Variants in SREK1IP1 observed in about 807,000 individuals in gnomAD.
SREK1IP1 encodes the protein protein SREK1IP1.
SREK1IP1 carries 12 observed loss-of-function variants against 22.8 expected under a neutral mutation model. That is an observed-to-expected ratio of 0.53 (90% CI 0.34 to 0.85). The LOEUF is 0.85. Ranked by LOEUF, SREK1IP1 falls within the 40% of genes least tolerant of loss-of-function variation. The pLI, the probability that SREK1IP1 is intolerant of heterozygous loss-of-function variation, is 0.02. For missense variants in SREK1IP1, 147 were observed against 171.8 expected (o/e 0.86, Z 0.81); for synonymous variants, 53 against 52.7 (o/e 1.01, Z -0.02).
intron 2 of SREK1IP1, among the ~76,000 whole-genome samples, chr5:64,749,672 C>T (rs940218491): frequency 6.6e-6 from 1 of 152,124 alleles, no homozygotes. Flanking sequence ...AATTCCTGGG[C>T]TCAAGCAATC....
chr5:64,754,577 C>G (rs1742805159), intron 1 of SREK1IP1: 1 of 463,804 alleles, frequency 2.2e-6, no homozygotes, highest in South Asian at 2.8e-5. Context: ...GATCCTCCTA[C>G]CTTAGCCTCC....
At chr5:64,730,144 GC>G (rs1742351185) in intron 3 of SREK1IP1, among the ~76,000 whole-genome samples, 3 of 152,138 alleles carry the variant, frequency 2.0e-5, no homozygotes, top group Non-Finnish European at 4.4e-5. Flanking sequence ...ACAAAGAAGG[GC>G]CACGGGGTTG....
intron 3 of SREK1IP1, among the ~76,000 whole-genome samples, chr5:64,730,291 T>C (rs73097633): frequency 0.011 from 1,741 of 152,046 alleles, 32 homozygotes; most frequent in African/African-American, 0.04. Flanking sequence ...CCTTGACAAG[T>C]GGACTGAAAA....
chr5:64,728,286 T>C, intron 3 of SREK1IP1, 107 bp from the exon 4 acceptor site: 1 of 1,034,670 alleles, frequency 9.7e-7, no homozygotes, highest in African/African-American at 1.7e-5. Flanking sequence ...ATTTCACTGG[T>C]TAGGATAATT....
rs1580531042 is a variant in SREK1IP1 at position 64,718,311 on chromosome 5, C to T, written c.*6073G>A. On this transcript the variant is annotated 3_prime_UTR_variant, in exon 5 of 5. Transcript: ENST00000513458. Reference sequence around the variant, plus strand: ...TCAATAACAAGATAAGCAGTCCTATCTCAGTGAAGAACAGTGAGAAGTTTA... The same window carrying T: ...TCAATAACAAGATAAGCAGTCCTATTTCAGTGAAGAACAGTGAGAAGTTTA... 4 of 241,826 alleles carry T rather than the reference C, an allele frequency of 1.7e-5. 1 individual carries two copies. The East Asian group carries it at 4.2e-4, about 25-fold the overall frequency. 15.0% of individuals were successfully genotyped at this position (241,826 alleles called of 1,614,324 possible).
At position 64,719,882 on chromosome 5, in the gene SREK1IP1, CCTA is replaced by C. The variant is rs1455956502; in HGVS notation, c.*4499_*4501del. On this transcript the variant is annotated 3_prime_UTR_variant, in exon 5 of 5. Coordinates refer to ENST00000513458, the MANE Select transcript of SREK1IP1 (RefSeq NM_173829.4). ...ATTATTGTCACACTGGTATAAGAAA[CCTA>C]CTGTTCTTGGGCACCCAATGTCCAG... 1 of 152,206 alleles carries C rather than the reference CCTA, an allele frequency of 6.6e-6. No homozygotes were observed. Among genetic ancestry groups the C allele is most frequent in the African/African-American group, 2.4e-5 (1 of 41,444 alleles). The allele number at this position is 152,206 out of a possible 1,614,324, so 9.4% of individuals were successfully genotyped here. A position where few individuals can be genotyped will look rare whatever the true frequency, so the allele number is the denominator to read the frequency against.
At chr5:64,732,919 GAAAA>G (rs747301015) in intron 3 of SREK1IP1, among the ~76,000 whole-genome samples, 1 of 128,032 alleles carries the variant, frequency 7.8e-6, no homozygotes. Flanking sequence ...ATTTTTTGGG[GAAAA>G]AAAAAAAAAA....
intron 4 of SREK1IP1, chr5:64,727,553 A>ATATAT: frequency 8.3e-5 from 7 of 84,682 alleles, no homozygotes; most frequent in East Asian, 6.4e-4. Flanking sequence ...ATATATATAT[A>ATATAT]TTTTTTTTTT....
chr5:64,744,655 T>C (rs1000657823), intron 2 of SREK1IP1, among the ~76,000 whole-genome samples: 3 of 152,218 alleles, frequency 2.0e-5, no homozygotes, highest in Admixed American at 6.5e-5. Context: ...TGTCCCTTTA[T>C]TTTGAAAATT....
intron 2 of SREK1IP1, among the ~76,000 whole-genome samples, chr5:64,751,246 G>A (rs565227751): frequency 6.6e-6 from 1 of 151,862 alleles, no homozygotes; most frequent in South Asian, 2.1e-4. Flanking sequence ...ATATTTTCCC[G>A]GTCACTTTTC....
At chr5:64,764,036 C>T (rs1428741595) in intron 1 of SREK1IP1, among the ~76,000 whole-genome samples, 1 of 152,032 alleles carries the variant, frequency 6.6e-6, no homozygotes, top group African/African-American at 2.4e-5. Flanking sequence ...CTTTTGTCCC[C>T]TTTCTTAAGT....
At chr5:64,725,293 GA>G (rs909094606) in intron 4 of SREK1IP1, among the ~76,000 whole-genome samples, 40 of 151,806 alleles carry the variant, frequency 2.6e-4, no homozygotes, top group African/African-American at 8.9e-4. Flanking sequence ...AAAAGAAAAA[GA>G]AAAAAACAGA....
intron 4 of SREK1IP1, among the ~76,000 whole-genome samples, chr5:64,726,020 T>C (rs926738630): frequency 1.3e-5 from 2 of 151,548 alleles, no homozygotes; most frequent in Non-Finnish European, 2.9e-5. Flanking sequence ...TACCCACCTG[T>C]AATCCACCAG....
intron 1 of SREK1IP1, 123 bp from the exon 2 acceptor site, chr5:64,754,485 GACAAGGTGTC>G: frequency 1.1e-6 from 1 of 897,958 alleles, no homozygotes; most frequent in Non-Finnish European, 1.7e-6. Context: ...TTGTTGTTGA[GACAAGGTGTC>G]ACTCTGTCAC....
chr5:64,731,687 TAAAAAA>T (rs1742384027), intron 3 of SREK1IP1, among the ~76,000 whole-genome samples: 2 of 151,710 alleles, frequency 1.3e-5, no homozygotes, highest in Non-Finnish European at 1.5e-5. Flanking sequence ...CTTGAACATA[TAAAAAA>T]TGTGAGTTAT....
chr5:64,768,459 G>C (rs552716370), intron 1 of SREK1IP1, 46 bp downstream of exon 1: 1 of 1,613,648 alleles, frequency 6.2e-7, no homozygotes, highest in East Asian at 2.2e-5. Context: ...CCTCCCTTGC[G>C]CTCCCTTCGG....
chr5:64,718,278 ATAATT>A lies in SREK1IP1; in HGVS notation c.*6101_*6105del, dbSNP rs1742089933. 1 of 322,548 alleles carries A rather than the reference ATAATT, an allele frequency of 3.1e-6. No individual in the cohort carries two copies. Among genetic ancestry groups the A allele is most frequent in the Admixed American group, 4.9e-5 (1 of 20,372 alleles). The allele number at this position is 322,548 out of a possible 1,614,324, so 20.0% of individuals were successfully genotyped here. On this transcript the variant is annotated 3_prime_UTR_variant, in exon 5 of 5. Transcript: ENST00000513458. Reference sequence around the variant, plus strand: ...ATGCTAATTATTCAGGAGAAATTAAATAATTTATCAATAACAAGATAAGCAGTCCT... The same window carrying A: ...ATGCTAATTATTCAGGAGAAATTAAATATCAATAACAAGATAAGCAGTCCT...
rs1186653493 is a variant in SREK1IP1 at position 64,727,553 on chromosome 5, A to ATTTTTTTTTT, written c.278+544_278+553dup. On this transcript the variant is annotated intron_variant, in intron 4 of 4. Transcript: ENST00000513458. Reference sequence around the variant, plus strand: ...TACATATATATATATATATATATATATTTTTTTTTTTTTGGTGGGCGGGGG... The same window carrying ATTTTTTTTTT: ...TACATATATATATATATATATATATATTTTTTTTTTTTTTTTTTTTTTTGGTGGGCGGGGG... The ATTTTTTTTTT allele has an allele frequency of 2.4e-3, 206 of 84,608 alleles. 3 individuals carry two copies. Among genetic ancestry groups the ATTTTTTTTTT allele is most frequent in the African/African-American group, 0.011 (199 of 18,158 alleles). The allele number at this position is 84,608 out of a possible 1,614,324, so 5.2% of individuals were successfully genotyped here.
chr5:64,752,278 A>G (rs1742759751), intron 2 of SREK1IP1, among the ~76,000 whole-genome samples: 1 of 150,750 alleles, frequency 6.6e-6, no homozygotes, highest in Non-Finnish European at 1.5e-5. Context: ...CAGCCTCCCA[A>G]GTAGCTGGGA....
Sources: gnomAD v4.1 joint callset for allele counts (sites outside exome capture counted in the v4.1 genomes callset) on GRCh38, gnomAD v4.1.1 for gene constraint, MANE v1.5 for transcripts, NCBI Gene and HGNC (gene_info 2026-07-23, HGNC 2026-07-21) for gene names.